Variants in FGF14 observed in about 807,000 individuals in gnomAD.
FGF14 encodes the protein fibroblast growth factor homologous factor 4.
FGF14 carries 5 observed loss-of-function variants against 25.5 expected under a neutral mutation model. That is an observed-to-expected ratio of 0.20 (90% CI 0.10 to 0.41). The LOEUF (loss-of-function observed/expected upper bound fraction) is 0.41. Among genes scored for constraint, FGF14 ranks in the 10% least tolerant of loss-of-function variants. The probability of loss-of-function intolerance (pLI) is 1.00; values close to 1 mark genes in which losing one functional copy is unlikely to be tolerated. For missense variants in FGF14, 222 were observed against 320.1 expected, an observed-to-expected ratio of 0.69 and a Z score of 2.34; for synonymous variants, 138 against 118.3, an observed-to-expected ratio of 1.17 and a Z score of -1.08.
intron 1 of FGF14, among the ~76,000 whole-genome samples, chr13:102,068,463 T>G (rs1044341434): frequency 2.0e-5 from 3 of 152,078 alleles, no homozygotes; most frequent in African/African-American, 4.8e-5. Context: ...AGCTTGCAGG[T>G]AGGTGTGGAG....
intron 1 of FGF14, among the ~76,000 whole-genome samples, chr13:102,388,767 C>T (rs1408781357): frequency 6.6e-6 from 1 of 152,186 alleles, no homozygotes; most frequent in African/African-American, 2.4e-5. Context: ...ACTGCCCCTC[C>T]CCACAATCAG....
chr13:102,142,834 T>G (rs183209648), intron 1 of FGF14, among the ~76,000 whole-genome samples: 1 of 152,336 alleles, frequency 6.6e-6, no homozygotes, highest in African/African-American at 2.4e-5. Flanking sequence ...TTGAATGTTA[T>G]AAACAAGGAG....
intron 4 of FGF14, among the ~76,000 whole-genome samples, chr13:101,723,345 C>T (rs1394043808): frequency 1.3e-5 from 2 of 151,896 alleles, no homozygotes; most frequent in African/African-American, 4.8e-5. Flanking sequence ...CTCAGACATC[C>T]CTTCCACTGC....
intron 3 of FGF14, among the ~76,000 whole-genome samples, chr13:101,803,816 T>G (rs2041042593): frequency 1.3e-5 from 2 of 152,140 alleles, no homozygotes; most frequent in Non-Finnish European, 2.9e-5. Flanking sequence ...AGGACACGAA[T>G]TCAATCTCAG....
At chr13:102,309,135 T>TACACACACACACACAC (rs34911009) in intron 1 of FGF14, among the ~76,000 whole-genome samples, 7,740 of 142,382 alleles carry the variant, frequency 0.054, 261 homozygotes, top group Middle Eastern at 0.095. Flanking sequence ...ATGCATAACA[T>TACACACACACACACAC]ACACACACAC....
At position 102,258,676 on chromosome 13, in the gene FGF14, A is replaced by G. The variant is rs2052567157; in HGVS notation, c.208+142795T>C. Among the ~76,000 whole-genome samples, 6 of 152,214 alleles carry G rather than the reference A, an allele frequency of 3.9e-5. No homozygotes were observed. In the South Asian group the frequency reaches 1.2e-3, roughly 32 times the overall value. ...GCTCCCTGGAATGATAGCTGTCTCA[A>G]TGAATCACTGATTCCACCTGTTGTG... On this transcript the variant is annotated intron_variant, in intron 1 of 4. Coordinates refer to the FGF14 transcript ENST00000376131.
chr13:102,319,126 G>A (rs1243227534), intron 1 of FGF14, among the ~76,000 whole-genome samples: 2 of 152,272 alleles, frequency 1.3e-5, no homozygotes, highest in East Asian at 3.9e-4. Context: ...GCTATAAATA[G>A]CAGTTAGTCT....
chr13:101,820,253 A>AC (rs1491230122), intron 3 of FGF14, among the ~76,000 whole-genome samples: 2 of 152,012 alleles, frequency 1.3e-5, no homozygotes, highest in Non-Finnish European at 2.9e-5. Context: ...AGAAAAAAAA[A>AC]CAGTTTTTCA....
chr13:102,006,510 C>G (rs972272771), intron 1 of FGF14, among the ~76,000 whole-genome samples: 2 of 151,644 alleles, frequency 1.3e-5, no homozygotes, highest in African/African-American at 2.4e-5. Context: ...ACTTATTTTA[C>G]AAATACCACA....
At chr13:102,060,253 TG>T (rs1403658027) in intron 1 of FGF14, among the ~76,000 whole-genome samples, 1 of 151,812 alleles carries the variant, frequency 6.6e-6, no homozygotes, top group Non-Finnish European at 1.5e-5. Flanking sequence ...GGGCAGGTCG[TG>T]GTGGCTCACG....
intron 1 of FGF14, among the ~76,000 whole-genome samples, chr13:101,944,622 C>T (rs533603053): frequency 3.9e-5 from 6 of 152,186 alleles, no homozygotes; most frequent in South Asian, 2.1e-4. Flanking sequence ...ATAGCCAAAA[C>T]GTGGGAGCAA....
intron 3 of FGF14, among the ~76,000 whole-genome samples, chr13:101,817,515 C>A (rs962392874): frequency 6.6e-6 from 1 of 152,146 alleles, no homozygotes; most frequent in African/African-American, 2.4e-5. Flanking sequence ...TCCAATATAC[C>A]TGCAGGTACA....
At chr13:102,370,718 G>A (rs1431394102) in intron 1 of FGF14, among the ~76,000 whole-genome samples, 4 of 151,944 alleles carry the variant, frequency 2.6e-5, no homozygotes, top group East Asian at 1.9e-4. Context: ...TTATAATACC[G>A]ACTAGATTTG....
At chr13:101,954,318 TG>T (rs371624899) in intron 1 of FGF14, among the ~76,000 whole-genome samples, 1 of 52,900 alleles carries the variant, frequency 1.9e-5, no homozygotes, top group Admixed American at 2.1e-4. Flanking sequence ...CTGGGCGGGG[TG>T]GGGGGGTGGT....
At chr13:101,845,568 C>T (rs1387816028) in intron 3 of FGF14, among the ~76,000 whole-genome samples, 1 of 151,922 alleles carries the variant, frequency 6.6e-6, no homozygotes, top group Non-Finnish European at 1.5e-5. Flanking sequence ...ACAGTGAAGG[C>T]ATGCTGAGAG....
chr13:102,087,612 G>C (rs1246167419), intron 1 of FGF14, among the ~76,000 whole-genome samples: 4 of 130,788 alleles, frequency 3.1e-5, no homozygotes, highest in African/African-American at 6.1e-5. Flanking sequence ...TTTTAGTAGA[G>C]TCGGGATTTC....
rs567492630 is a variant in FGF14 at position 102,135,108 on chromosome 13, G to A, written c.209-259812C>T. Among the ~76,000 whole-genome samples the A allele has an allele frequency of 6.6e-5, 10 of 151,954 alleles. No individual in the cohort carries two copies. The South Asian group carries it at 8.3e-4, about 13-fold the overall frequency. ...CAATAATACTAGTTACTTGGAAGGC[G>A]GAGGCAAGAAGATGACTTAAACCCA... On this transcript the variant is annotated intron_variant, in intron 1 of 4. Coordinates refer to the FGF14 transcript ENST00000376131.
At chr13:102,040,270 TCTTC>T (rs559770719) in intron 1 of FGF14, among the ~76,000 whole-genome samples, 1 of 152,314 alleles carries the variant, frequency 6.6e-6, no homozygotes, top group East Asian at 1.9e-4. Flanking sequence ...ATCAAGTATT[TCTTC>T]CTTATTAGCT....
intron 1 of FGF14, among the ~76,000 whole-genome samples, chr13:102,255,842 T>C (rs1216606510): frequency 6.6e-6 from 1 of 152,230 alleles, no homozygotes; most frequent in Non-Finnish European, 1.5e-5. Flanking sequence ...AAAGGGCTAA[T>C]ATTGTGAGTG....
Sources: allele counts gnomAD v4.1 joint callset (sites outside exome capture counted in the v4.1 genomes callset), GRCh38; gene constraint gnomAD v4.1.1; transcripts MANE v1.5; gene names NCBI Gene and HGNC (gene_info 2026-07-23, HGNC 2026-07-21).